NPEPPS: variants seen among roughly 807,000 people sequenced by gnomAD.
The protein encoded by NPEPPS is aminopeptidase puromycin sensitive.
NPEPPS carries 14 observed loss-of-function variants against 115.5 expected under a neutral mutation model. The ratio of observed to expected loss-of-function variants is 0.12; its 90% CI spans 0.08 to 0.19. The LOEUF is 0.19. Ranked by LOEUF, NPEPPS falls within the 10% of genes least tolerant of loss-of-function variation. NPEPPS has a pLI of 1.00. For synonymous variants in NPEPPS, 285 were observed against 390.6 expected, an observed-to-expected ratio of 0.73 and a Z score of 3.19; for missense variants, 523 against 1,110.8, an observed-to-expected ratio of 0.47 and a Z score of 7.52.
chr17:47,618,286 AT>A lies in NPEPPS; in HGVS notation c.2296-63del, dbSNP rs1317321094. 4.7e-6 allele frequency: 5 copies of A among 1,070,462 alleles called. No homozygotes were observed. In the African/African-American group the frequency reaches 7.8e-5, roughly 17 times the overall value. 66.3% of individuals were successfully genotyped at this position (1,070,462 alleles called of 1,614,324 possible). A position where few individuals can be genotyped will look rare whatever the true frequency, so the allele number is the denominator to read the frequency against. On this transcript the variant is annotated intron_variant, in intron 19 of 22. Transcript: ENST00000322157. ...TTACCTTACTGGGGAAGAAGCTCAT[AT>A]AATCATATGCAGAACATCCAAGGGA... is the stretch of plus-strand genomic sequence containing the variant.
chr17:47,538,444 C>T (rs761333675), intron 1 of NPEPPS, among the ~76,000 whole-genome samples: 3 of 150,886 alleles, frequency 2.0e-5, no homozygotes, highest in African/African-American at 4.9e-5. Context: ...AAACACCCGA[C>T]CTCAGGTGAT....
chr17:47,553,285 A>G (rs2143742910), intron 2 of NPEPPS, among the ~76,000 whole-genome samples: 1 of 151,238 alleles, frequency 6.6e-6, no homozygotes, highest in East Asian at 1.9e-4. Context: ...AGGTGGGAGA[A>G]TTGCTTGAAC....
chr17:47,620,648 C>T (rs1914509988), intron 22 of NPEPPS, among the ~76,000 whole-genome samples: 1 of 152,182 alleles, frequency 6.6e-6, no homozygotes, highest in Admixed American at 6.5e-5. Flanking sequence ...AGCCTTGGAA[C>T]AGTAGCAATT....
intron 14 of NPEPPS, among the ~76,000 whole-genome samples, chr17:47,601,059 C>G (rs1227713283): frequency 6.6e-6 from 1 of 151,972 alleles, no homozygotes; most frequent in Non-Finnish European, 1.5e-5. Context: ...CCCATCTCTA[C>G]TAATAAAGTA....
chr17:47,536,133 C>G (rs947362772), intron 1 of NPEPPS, among the ~76,000 whole-genome samples: 12 of 151,918 alleles, frequency 7.9e-5, no homozygotes, highest in Non-Finnish European at 1.5e-4. Flanking sequence ...CCGTGCCCAG[C>G]TGGGCTTTCT....
rs1909463421 is a variant in NPEPPS at position 47,549,331 on chromosome 17, C to G, written c.340+3338C>G. Among the ~76,000 whole-genome samples the G allele has an allele frequency of 1.3e-5, 2 of 151,318 alleles. 1 individual carries two copies. Among genetic ancestry groups the G allele is most frequent in the South Asian group, 4.2e-4 (2 of 4,792 alleles). On this transcript the variant is annotated intron_variant, in intron 2 of 22. Coordinates refer to ENST00000322157, the MANE Select transcript of NPEPPS (RefSeq NM_006310.4). ...CACGCCAGCCTGGGTGACAGAGACT[C>G]TGTCTCAAAAAAAAAATATTTTCCT...
chr17:47,613,181 A>T (rs1460183906), intron 18 of NPEPPS, among the ~76,000 whole-genome samples: 1 of 148,824 alleles, frequency 6.7e-6, no homozygotes, highest in East Asian at 2.0e-4. Flanking sequence ...ACAACATGCC[A>T]TTTACCTTTG....
chr17:47,589,940 T>TCCA (rs1184864523), intron 9 of NPEPPS, among the ~76,000 whole-genome samples: 1 of 152,240 alleles, frequency 6.6e-6, no homozygotes, highest in African/African-American at 2.4e-5. Flanking sequence ...GATTATATTT[T>TCCA]CCACCTCTAT....
At chr17:47,573,685 C>A (rs1312795750) in intron 3 of NPEPPS, among the ~76,000 whole-genome samples, 1 of 152,090 alleles carries the variant, frequency 6.6e-6, no homozygotes, top group Non-Finnish European at 1.5e-5. Flanking sequence ...GTACCACTGC[C>A]CTCGCGCCTG....
Position 47,531,472 on chromosome 17 carries a change from G to A in NPEPPS, c.172G>A (p.Val58Ile). Reference protein sequence around the residue: ...KRPFERLPADVSPINYSLCLK... With the variant: ...KRPFERLPADISPINYSLCLK... The stretch of plus-strand genomic sequence containing the variant: ...GCCCTTCGAGCGGCTGCCTGCCGAT[G>A]TCTCCCCCATCAACTACAGCCTTTG... The change falls in exon 1 of 23, where the codon GTC becomes ATC. Residue 58 changes from valine (V) to isoleucine (I), a missense_variant. Physicochemically the swap from Val to Ile is conservative, Grantham distance 29 (BLOSUM62 3). Coordinates refer to ENST00000322157, the MANE Select transcript of NPEPPS (RefSeq NM_006310.4). 1 of 1,602,022 alleles carries A rather than the reference G, an allele frequency of 6.2e-7. No individual in the cohort carries two copies. The highest frequency in any genetic ancestry group is 1.1e-5 in the South Asian group (1 of 89,414).
At chr17:47,556,217 C>G (rs1334887199) in intron 2 of NPEPPS, among the ~76,000 whole-genome samples, 1 of 150,768 alleles carries the variant, frequency 6.6e-6, no homozygotes, top group Non-Finnish European at 1.5e-5. Context: ...GGCAGAGGAC[C>G]CTGCGGCCTT....
At chr17:47,557,110 A>G (rs959205506) in intron 2 of NPEPPS, among the ~76,000 whole-genome samples, 1 of 151,364 alleles carries the variant, frequency 6.6e-6, no homozygotes, top group Non-Finnish European at 1.5e-5. Flanking sequence ...ACGGAGTCTC[A>G]CTCTGTCACC....
intron 1 of NPEPPS, among the ~76,000 whole-genome samples, chr17:47,539,029 CTCT>C (rs1908552376): frequency 6.6e-6 from 1 of 151,200 alleles, no homozygotes; most frequent in Non-Finnish European, 1.5e-5. Context: ...TTGTTGGATT[CTCT>C]TCTGAGTAAA....
chr17:47,554,600 T>C (rs929201348), intron 2 of NPEPPS, among the ~76,000 whole-genome samples: 1 of 151,608 alleles, frequency 6.6e-6, no homozygotes, highest in Non-Finnish European at 1.5e-5. Flanking sequence ...CTTCAAGCGA[T>C]CCTCCTGCCT....
chr17:47,606,120 G>A (rs1422385391), intron 17 of NPEPPS, among the ~76,000 whole-genome samples: 3 of 152,130 alleles, frequency 2.0e-5, no homozygotes, highest in African/African-American at 4.8e-5. Context: ...CAGGTGATCC[G>A]CCTGCCTCGG....
intron 1 of NPEPPS, among the ~76,000 whole-genome samples, chr17:47,524,791 A>C (rs901994093): frequency 6.8e-6 from 1 of 147,600 alleles, no homozygotes; most frequent in Admixed American, 6.8e-5. Context: ...GGCGTGAGCC[A>C]CCGTGCCCGG....
intron 2 of NPEPPS, among the ~76,000 whole-genome samples, chr17:47,548,590 CTTTTT>C (rs538733982): frequency 4.8e-5 from 5 of 104,720 alleles, no homozygotes; most frequent in Non-Finnish European, 3.9e-5. Flanking sequence ...CTGAAAAGTT[CTTTTT>C]TTTTTTTTTT....
chr17:47,542,078 C>G (rs1353564031), intron 1 of NPEPPS, among the ~76,000 whole-genome samples: 1 of 152,144 alleles, frequency 6.6e-6, no homozygotes, highest in African/African-American at 2.4e-5. Context: ...AGATATCGTA[C>G]TACTCTGATG....
chr17:47,551,973 T>C (rs1198984088), intron 2 of NPEPPS, among the ~76,000 whole-genome samples: 1 of 126,978 alleles, frequency 7.9e-6, no homozygotes, highest in East Asian at 2.3e-4. Context: ...TTTCTTTTTT[T>C]TTTTTTTCTT....
Sources: allele counts gnomAD v4.1 joint callset (sites outside exome capture counted in the v4.1 genomes callset), GRCh38; gene constraint gnomAD v4.1.1; transcripts MANE v1.5; gene names NCBI Gene and HGNC (gene_info 2026-07-23, HGNC 2026-07-21).